The following ICA1L variants were observed in gnomAD, a reference collection of about 807,000 sequenced individuals.
ICA1L encodes islet cell autoantigen 1 like.
In ICA1L, 50 loss-of-function variants were observed where a neutral mutation model predicts 61.3. The ratio of observed to expected loss-of-function variants is 0.82; its 90% CI spans 0.65 to 1.03. The LOEUF (loss-of-function observed/expected upper bound fraction) is 1.03. Among genes scored for constraint, ICA1L ranks in the 50% least tolerant of loss-of-function variants. The probability of loss-of-function intolerance (pLI) is 0.00; values close to 1 mark genes in which losing one functional copy is unlikely to be tolerated. For missense variants in ICA1L, 508 were observed against 556.7 expected, an observed-to-expected ratio of 0.91 and a Z score of 0.88; for synonymous variants, 161 against 191.3, an observed-to-expected ratio of 0.84 and a Z score of 1.31.
intron 10 of ICA1L, among the ~76,000 whole-genome samples, chr2:202,795,827 G>C (rs1449522824): frequency 1.3e-5 from 2 of 151,998 alleles, no homozygotes; most frequent in African/African-American, 4.8e-5. Context: ...CAGATCACTT[G>C]AGGCCAGGAA....
chr2:202,809,701 A>C (rs1186533985), intron 9 of ICA1L, among the ~76,000 whole-genome samples: 1 of 152,170 alleles, frequency 6.6e-6, no homozygotes, highest in Non-Finnish European at 1.5e-5. Flanking sequence ...AGGCAGGAGA[A>C]TCATTTGAAC....
chr2:202,837,862 A>G (rs1018918624), intron 1 of ICA1L, among the ~76,000 whole-genome samples: 1 of 150,928 alleles, frequency 6.6e-6, no homozygotes, highest in Non-Finnish European at 1.5e-5. Context: ...GATTTTATTT[A>G]TTTGTCTTGA....
chr2:202,841,743 G>A (rs932289776), intron 1 of ICA1L: 35 of 487,940 alleles, frequency 7.2e-5, no homozygotes, highest in South Asian at 5.6e-4. Context: ...CACCTCTGGT[G>A]GACACCTTGT....
intron 1 of ICA1L, among the ~76,000 whole-genome samples, chr2:202,843,024 C>T (rs1247577127): frequency 1.3e-5 from 2 of 151,954 alleles, no homozygotes; most frequent in African/African-American, 2.4e-5. Flanking sequence ...TTATTTTGGT[C>T]ATCTATTGTT....
chr2:202,789,926 G>C (rs886311802), intron 10 of ICA1L, among the ~76,000 whole-genome samples: 1 of 152,162 alleles, frequency 6.6e-6, no homozygotes. Flanking sequence ...TCAGGAGAGA[G>C]ACATCATAGC....
intron 1 of ICA1L, among the ~76,000 whole-genome samples, chr2:202,842,030 T>G (rs1224474273): frequency 1.3e-5 from 2 of 152,102 alleles, no homozygotes; most frequent in Non-Finnish European, 2.9e-5. Flanking sequence ...TTGGTATTTT[T>G]TTTTAGTGAA....
chr2:202,808,377 A>G (rs1314205730), intron 9 of ICA1L, among the ~76,000 whole-genome samples: 2 of 151,970 alleles, frequency 1.3e-5, no homozygotes, highest in Admixed American at 1.3e-4. Flanking sequence ...CATGAGGAAA[A>G]AAGAGGGAAG....
chr2:202,847,979 AACAGAAAATCAAATGCC>A (rs1449335680), intron 1 of ICA1L, among the ~76,000 whole-genome samples: 5 of 152,256 alleles, frequency 3.3e-5, no homozygotes, highest in African/African-American at 1.2e-4. Context: ...TTAATGCAGG[AACAGAAAATCAAATGCC>A]ACATGTTTTC....
chr2:202,827,095 T>C (rs1693866375), intron 2 of ICA1L, among the ~76,000 whole-genome samples: 1 of 152,128 alleles, frequency 6.6e-6, no homozygotes, highest in South Asian at 2.1e-4. Flanking sequence ...GGAAGAAGAT[T>C]AGAAAAGAAT....
At chr2:202,782,618 A>G (rs898247482) in intron 12 of ICA1L, among the ~76,000 whole-genome samples, 4 of 152,174 alleles carry the variant, frequency 2.6e-5, no homozygotes, top group South Asian at 2.1e-4. Flanking sequence ...CATGTTGGCC[A>G]GGCTGGTCTT....
intron 1 of ICA1L, among the ~76,000 whole-genome samples, chr2:202,837,091 C>A (rs1438108333): frequency 6.6e-6 from 1 of 152,086 alleles, no homozygotes; most frequent in Non-Finnish European, 1.5e-5. Context: ...ATCCGCCCAC[C>A]TCGGCCTCCC....
chr2:202,790,562 C>T (rs1465943290), intron 10 of ICA1L, among the ~76,000 whole-genome samples: 4 of 152,130 alleles, frequency 2.6e-5, no homozygotes, highest in Non-Finnish European at 5.9e-5. Flanking sequence ...GCTAGCTTCC[C>T]AGGAGGAGTA....
In ICA1L at chr2:202,819,837, G is replaced by A. The variant is rs774234640; in HGVS notation, c.422C>T (p.Ala141Val). ...AATTGTCATCAAGGTATCAGATACT[G>A]CCCTTTGACTGAATGTTGCTACTTC... ...KQEVATFSQR[A>V]VSDTLMTINR... The change falls in exon 5 of 13, where the codon GCA becomes GTA. Residue 141 changes from alanine to valine, a missense_variant. Ala to Val is a moderately conservative substitution (Grantham distance 64). Coordinates refer to ENST00000358299, the MANE Select transcript of ICA1L (RefSeq NM_001288622.3). The A allele has an allele frequency of 1.1e-5, 17 of 1,613,966 alleles. No individual in the cohort carries two copies. The South Asian group carries it at 1.6e-4, about 16-fold the overall frequency.
At chr2:202,858,446 G>A (rs7587583) in intron 1 of ICA1L, among the ~76,000 whole-genome samples, 59,708 of 152,012 alleles carry the variant, frequency 0.39, 13,291 homozygotes, top group Middle Eastern at 0.65. Flanking sequence ...ACAGGGAGGG[G>A]AACATCACAC....
At chr2:202,867,724 C>A (rs1035015528) in intron 1 of ICA1L, among the ~76,000 whole-genome samples, 7 of 152,164 alleles carry the variant, frequency 4.6e-5, no homozygotes. Context: ...TCTGTCAATT[C>A]AAAGTGCTGG....
chr2:202,830,436 C>T (rs1457087006), intron 1 of ICA1L, among the ~76,000 whole-genome samples: 2 of 152,086 alleles, frequency 1.3e-5, no homozygotes, highest in Non-Finnish European at 2.9e-5. Flanking sequence ...AAATAACCTC[C>T]AAGAAGTTAT....
chr2:202,866,743 C>T (rs912792526), intron 1 of ICA1L, among the ~76,000 whole-genome samples: 4 of 152,064 alleles, frequency 2.6e-5, no homozygotes, highest in African/African-American at 4.8e-5. Flanking sequence ...GTCAGGAGTT[C>T]GAGACCAGTC....
rs55927603 is a variant in ICA1L, at chr2:202,809,674, G to A, written c.910+2072C>T. On this transcript the variant is annotated intron_variant, in intron 9 of 12. Coordinates refer to ENST00000358299, the MANE Select transcript of ICA1L (RefSeq NM_001288622.3). ...TCAAAAAAAAAAAAATTAGCTGGGC[G>A]TGGTGGCAGACGCCTGAGGCAGGAG... is the stretch of plus-strand genomic sequence containing the variant. Among the ~76,000 whole-genome samples, 1,058 of 151,940 alleles carry A rather than the reference G, an allele frequency of 7.0e-3. 4 individuals carry two copies. The highest frequency in any genetic ancestry group is 0.012 in the Non-Finnish European group (826 of 67,932).
chr2:202,848,050 G>C (rs898810411), intron 1 of ICA1L, among the ~76,000 whole-genome samples: 2 of 152,152 alleles, frequency 1.3e-5, no homozygotes, highest in Non-Finnish European at 2.9e-5. Flanking sequence ...TGGACATAAA[G>C]ATGGGAATAG....
Sources: allele counts gnomAD v4.1 joint callset (sites outside exome capture counted in the v4.1 genomes callset), GRCh38; gene constraint gnomAD v4.1.1; transcripts MANE v1.5; gene names NCBI Gene and HGNC (gene_info 2026-07-23, HGNC 2026-07-21).